RAPGEF4: variants seen among roughly 807,000 people sequenced by gnomAD.
The protein encoded by RAPGEF4 is RAP guanine-nucleotide-exchange factor (GEF) 4.
In RAPGEF4, 66 loss-of-function variants were observed where a neutral mutation model predicts 147.9. That is an observed-to-expected ratio of 0.45 (90% CI 0.37 to 0.55). The LOEUF (loss-of-function observed/expected upper bound fraction) is 0.55, where lower values mean the gene tolerates loss of function less well. Among genes scored for constraint, RAPGEF4 ranks in the 20% least tolerant of loss-of-function variants. RAPGEF4 has a pLI of 0.00. For missense variants in RAPGEF4, 1,071 were observed against 1,257.3 expected, an observed-to-expected ratio of 0.85 and a Z score of 2.24; for synonymous variants, 419 against 442.7, an observed-to-expected ratio of 0.95 and a Z score of 0.67.
Position 172,822,181 on chromosome 2 carries a change from G to A in RAPGEF4, c.444+7756G>A, listed in dbSNP as rs118139355. Among the ~76,000 whole-genome samples, 577 of 152,164 alleles carry A rather than the reference G, an allele frequency of 3.8e-3. 24 individuals are homozygous for A. In the East Asian group the frequency reaches 0.088, roughly 23 times the overall value. ...TGTGTGGGGCCAGGGGGTGAGTGGT[G>A]GCTCATCTTTCTGCTAGTGAAGCAT... On this transcript the variant is annotated intron_variant, in intron 4 of 30. Coordinates refer to ENST00000397081, the MANE Select transcript of RAPGEF4 (RefSeq NM_007023.4).
chr2:172,756,587 T>C (rs1695801070), intron 1 of RAPGEF4, among the ~76,000 whole-genome samples: 1 of 152,228 alleles, frequency 6.6e-6, no homozygotes, highest in Non-Finnish European at 1.5e-5. Flanking sequence ...TCCTCAGCCC[T>C]GTCTTGTACT....
intron 6 of RAPGEF4, among the ~76,000 whole-genome samples, chr2:172,948,381 A>T (rs1470905813): frequency 1.3e-5 from 2 of 152,214 alleles, no homozygotes; most frequent in Non-Finnish European, 2.9e-5. Context: ...GTATGTGCAT[A>T]CCATAACTTC....
At position 172,965,760 on chromosome 2, in the gene RAPGEF4, C is replaced by G; in HGVS notation, c.820+77C>G. The G allele has an allele frequency of 2.5e-6, 4 of 1,568,802 alleles. No individual in the cohort carries two copies. In the Admixed American group the frequency reaches 5.0e-5, roughly 20 times the overall value. Reference sequence around the variant, plus strand: ...TCCCTGGGTAAGTAGTTGCTGAACTCTTGAATGGGCAAGAAAGAATTACGA... The same window carrying G: ...TCCCTGGGTAAGTAGTTGCTGAACTGTTGAATGGGCAAGAAAGAATTACGA... On this transcript the variant is annotated intron_variant, in intron 9 of 30. Transcript: ENST00000397081.
chr2:172,761,421 C>T (rs1180970151), intron 1 of RAPGEF4, among the ~76,000 whole-genome samples: 1 of 152,026 alleles, frequency 6.6e-6, no homozygotes. Context: ...GGATTACAGG[C>T]GTGAGCCACC....
At chr2:172,905,129 C>T (rs895668146) in intron 4 of RAPGEF4, among the ~76,000 whole-genome samples, 1 of 152,156 alleles carries the variant, frequency 6.6e-6, no homozygotes, top group Non-Finnish European at 1.5e-5. Context: ...CCTCCTCAGC[C>T]TCAGATTCAA....
chr2:172,876,828 C>T (rs1695988770), intron 4 of RAPGEF4, among the ~76,000 whole-genome samples: 1 of 152,130 alleles, frequency 6.6e-6, no homozygotes, highest in Non-Finnish European at 1.5e-5. Context: ...GGAATGGTAC[C>T]AGCTCCTCCT....
At chr2:172,755,956 T>C (rs996386155) in intron 1 of RAPGEF4, among the ~76,000 whole-genome samples, 1 of 152,228 alleles carries the variant, frequency 6.6e-6, no homozygotes, top group Non-Finnish European at 1.5e-5. Context: ...ACTACCACCA[T>C]ACTCAAGATG....
At chr2:172,869,992 A>T (rs1387962529) in intron 4 of RAPGEF4, among the ~76,000 whole-genome samples, 4 of 152,088 alleles carry the variant, frequency 2.6e-5, no homozygotes, top group Admixed American at 2.6e-4. Context: ...GGGAGTGGGC[A>T]TTTCAAACTA....
intron 4 of RAPGEF4, among the ~76,000 whole-genome samples, chr2:172,849,141 C>T (rs1457458876): frequency 3.3e-5 from 5 of 150,986 alleles, no homozygotes. Context: ...TGCCAGACAA[C>T]TTGATTCAGT....
At chr2:173,001,137 G>A in intron 16 of RAPGEF4, 129 bp from the exon 17 acceptor site, 1 of 1,355,972 alleles carries the variant, frequency 7.4e-7, no homozygotes, top group Non-Finnish European at 9.8e-7. Context: ...GTGCTTCCAT[G>A]TAAAGTAAAC....
At chr2:172,988,418 G>C in intron 13 of RAPGEF4, 146 bp downstream of exon 13, 4 of 1,384,986 alleles carry the variant, frequency 2.9e-6, no homozygotes, top group South Asian at 1.6e-5. Flanking sequence ...TTAATCATAA[G>C]TTACCTCAGT....
chr2:172,750,252 A>G, intron 1 of RAPGEF4, among the ~76,000 whole-genome samples: 1 of 151,956 alleles, frequency 6.6e-6, no homozygotes, highest in East Asian at 1.9e-4. Context: ...GCTGCTGATA[A>G]AGACATATCC....
chr2:173,047,133 C>A (rs551264501), intron 29 of RAPGEF4, among the ~76,000 whole-genome samples: 1 of 143,748 alleles, frequency 7.0e-6, no homozygotes, highest in South Asian at 2.4e-4. Context: ...AGAGCCTGAG[C>A]AGTAAAGTGT....
intron 4 of RAPGEF4, among the ~76,000 whole-genome samples, chr2:172,841,692 G>A (rs1409226821): frequency 6.6e-6 from 1 of 151,950 alleles, no homozygotes. Context: ...ATAGAATGTG[G>A]ATGGTTACTG....
intron 1 of RAPGEF4, among the ~76,000 whole-genome samples, chr2:172,788,085 T>G (rs1256782126): frequency 6.6e-6 from 1 of 152,232 alleles, no homozygotes; most frequent in African/African-American, 2.4e-5. Context: ...CATGACAGAA[T>G]GGAGAGCTAG....
At chr2:172,799,504 C>G (rs1410675924) in intron 3 of RAPGEF4, among the ~76,000 whole-genome samples, 11 of 152,150 alleles carry the variant, frequency 7.2e-5, no homozygotes. Context: ...TATCTCCTAC[C>G]TGTGGATGCT....
chr2:172,746,642 T>G (rs1404969137), intron 1 of RAPGEF4, among the ~76,000 whole-genome samples: 1 of 151,992 alleles, frequency 6.6e-6, no homozygotes, highest in Non-Finnish European at 1.5e-5. Flanking sequence ...AGACAGAGTC[T>G]TACTCTGTCG....
chr2:172,985,633 T>A, intron 12 of RAPGEF4, 140 bp downstream of exon 12: 1 of 1,460,494 alleles, frequency 6.8e-7, no homozygotes, highest in Non-Finnish European at 9.1e-7. Flanking sequence ...TGTGGTACTT[T>A]CGTTTTTCTG....
At chr2:172,892,542 G>A (rs1698041844) in intron 4 of RAPGEF4, among the ~76,000 whole-genome samples, 2 of 152,202 alleles carry the variant, frequency 1.3e-5, no homozygotes, top group South Asian at 4.1e-4. Flanking sequence ...GAAGTTTTAT[G>A]GGGGCAGAGG....
Sources: gnomAD v4.1 joint callset for allele counts (sites outside exome capture counted in the v4.1 genomes callset) on GRCh38, gnomAD v4.1.1 for gene constraint, MANE v1.5 for transcripts, NCBI Gene and HGNC (gene_info 2026-07-23, HGNC 2026-07-21) for gene names.